DISC1: variants seen among roughly 807,000 people sequenced by gnomAD.
The protein encoded by DISC1 is disrupted in schizophrenia 1 protein.
In DISC1, 57 loss-of-function variants were observed where a neutral mutation model predicts 84.5. The ratio of observed to expected loss-of-function variants is 0.67; its 90% CI spans 0.55 to 0.84. DISC1 has a LOEUF of 0.84. Ranked by LOEUF, DISC1 falls within the 40% of genes least tolerant of loss-of-function variation. DISC1 has a pLI of 0.00. For missense variants in DISC1, 1,000 were observed against 1,057.8 expected, an observed-to-expected ratio of 0.95 and a Z score of 0.76; for synonymous variants, 411 against 415.2, an observed-to-expected ratio of 0.99 and a Z score of 0.12.
At chr1:231,628,056 C>T (rs1290507138) in intron 1 of DISC1, among the ~76,000 whole-genome samples, 2 of 152,172 alleles carry the variant, frequency 1.3e-5, no homozygotes, top group African/African-American at 4.8e-5. Flanking sequence ...CTCAAAAAAC[C>T]TTAGTTGCTA....
intron 12 of DISC1, among the ~76,000 whole-genome samples, chr1:232,027,237 A>G (rs1476111702): frequency 2.6e-5 from 4 of 152,062 alleles, no homozygotes; most frequent in Non-Finnish European, 4.4e-5. Flanking sequence ...TCCTAAATCC[A>G]CCTCTGAATT....
rs141875687 is a variant in DISC1, at chr1:231,743,767, C to T, written c.1118-6159C>T. ...TAATTACTTGGGACTTGATCTTGGA[C>T]AGATGACCTTTTCTAGTATCCTTAG... On this transcript the variant is annotated intron_variant, in intron 3 of 12. Transcript: ENST00000439617. Among the ~76,000 whole-genome samples, 133 of 152,306 alleles carry T rather than the reference C, an allele frequency of 8.7e-4. 1 individual carries two copies. The highest frequency in any genetic ancestry group is 3.1e-3 in the African/African-American group (130 of 41,562).
At chr1:231,808,925 G>A (rs1315756419) in intron 8 of DISC1, among the ~76,000 whole-genome samples, 1 of 152,178 alleles carries the variant, frequency 6.6e-6, no homozygotes, top group East Asian at 1.9e-4. Flanking sequence ...GGGCAGGGAG[G>A]GCACAGAGAG....
chr1:231,672,280 T>G (rs993651594), intron 1 of DISC1, among the ~76,000 whole-genome samples: 1 of 152,232 alleles, frequency 6.6e-6, no homozygotes, highest in South Asian at 2.1e-4. Flanking sequence ...CCTGACTGAT[T>G]TGACCTCAGT....
chr1:231,646,799 T>G (rs1201885544), intron 1 of DISC1, among the ~76,000 whole-genome samples: 1 of 152,278 alleles, frequency 6.6e-6, no homozygotes, highest in Non-Finnish European at 1.5e-5. Flanking sequence ...TTTGCATTTC[T>G]CTGATGACCA....
chr1:231,733,250 G>T (rs2071846820), intron 3 of DISC1, among the ~76,000 whole-genome samples: 1 of 151,554 alleles, frequency 6.6e-6, no homozygotes, highest in African/African-American at 2.4e-5. Flanking sequence ...GAGTGGTGGT[G>T]ATGGTAGAGG....
At chr1:232,021,885 C>T (rs1266110686) in intron 11 of DISC1, among the ~76,000 whole-genome samples, 1 of 152,174 alleles carries the variant, frequency 6.6e-6, no homozygotes, top group Non-Finnish European at 1.5e-5. Context: ...TCTGAAGGTT[C>T]AGTCCTTCCC....
At position 232,038,698 on chromosome 1, in the gene DISC1, T is replaced by G. The variant is rs1052316871; in HGVS notation, c.*1867T>G. 6.6e-6 allele frequency: 1 copy of G among 152,202 alleles called. No individual in the cohort carries two copies. Among genetic ancestry groups the G allele is most frequent in the African/African-American group, 2.4e-5 (1 of 41,436 alleles). 9.4% of individuals were successfully genotyped at this position (152,202 alleles called of 1,614,324 possible). A position where few individuals can be genotyped will look rare whatever the true frequency, so the allele number is the denominator to read the frequency against. ...ATCACTTTAGAAACCACACTCACAC[T>G]TTTGCAGAGTGTTGAGCTTAATAAC... On this transcript the variant is annotated 3_prime_UTR_variant, in exon 13 of 13. Coordinates refer to ENST00000439617, the MANE Select transcript of DISC1 (RefSeq NM_018662.3).
intron 3 of DISC1, among the ~76,000 whole-genome samples, chr1:231,721,895 T>G (rs2069776468): frequency 6.6e-6 from 1 of 152,130 alleles, no homozygotes; most frequent in Non-Finnish European, 1.5e-5. Flanking sequence ...GGCTCACGCC[T>G]GGAATCCCAG....
chr1:231,795,372 T>C, intron 7 of DISC1, 76 bp downstream of exon 7: 4 of 1,325,056 alleles, frequency 3.0e-6, no homozygotes, highest in Non-Finnish European at 4.3e-6. Context: ...ATCTAGATCT[T>C]AGGATACCTG....
chr1:231,856,474 C>T (rs1382503604), intron 9 of DISC1, among the ~76,000 whole-genome samples: 1 of 152,238 alleles, frequency 6.6e-6, no homozygotes, highest in African/African-American at 2.4e-5. Flanking sequence ...GATGAGCTTA[C>T]TTCCAGGTGC....
chr1:231,757,290 C>T (rs2075239513), intron 4 of DISC1, among the ~76,000 whole-genome samples: 1 of 152,164 alleles, frequency 6.6e-6, no homozygotes, highest in Non-Finnish European at 1.5e-5. Context: ...TCAGGAGACT[C>T]ACAGATCTCC....
intron 9 of DISC1, among the ~76,000 whole-genome samples, chr1:231,881,076 T>C (rs1407493903): frequency 1.3e-5 from 2 of 152,082 alleles, no homozygotes; most frequent in African/African-American, 4.8e-5. Context: ...CTCCCCTCTC[T>C]TTCTTCCCTG....
intron 9 of DISC1, among the ~76,000 whole-genome samples, chr1:231,877,224 A>G (rs7519741): frequency 0.91 from 137,945 of 152,316 alleles, 62,574 homozygotes; most frequent in East Asian, 1. Context: ...TACTGCAGAG[A>G]CCAACCTTGT....
intron 11 of DISC1, among the ~76,000 whole-genome samples, chr1:232,011,481 T>A (rs1452791272): frequency 1.3e-5 from 2 of 152,228 alleles, no homozygotes; most frequent in Non-Finnish European, 2.9e-5. Context: ...CTGGATTTAT[T>A]TTCACAGAGA....
chr1:231,671,856 G>A (rs1174356165), intron 1 of DISC1, among the ~76,000 whole-genome samples: 1 of 152,232 alleles, frequency 6.6e-6, no homozygotes, highest in African/African-American at 2.4e-5. Context: ...GCACTGCTAT[G>A]AGATGAAATG....
intron 3 of DISC1, chr1:231,745,596 T>C (rs2073892043): frequency 1.3e-5 from 2 of 158,936 alleles, no homozygotes; most frequent in Non-Finnish European, 2.8e-5. Flanking sequence ...AATATACTAT[T>C]GTGAACTATA....
chr1:231,838,884 A>G (rs1209409568), intron 9 of DISC1, among the ~76,000 whole-genome samples: 1 of 152,226 alleles, frequency 6.6e-6, no homozygotes, highest in East Asian at 1.9e-4. Context: ...AGCGCCTCTC[A>G]GGTGCCAGCT....
At chr1:231,847,630 C>A (rs531299077) in intron 9 of DISC1, among the ~76,000 whole-genome samples, 2 of 152,278 alleles carry the variant, frequency 1.3e-5, no homozygotes, top group South Asian at 2.1e-4. Context: ...TGTCTAGATG[C>A]ACCGAGCTTG....
Sources: allele counts gnomAD v4.1 joint callset (sites outside exome capture counted in the v4.1 genomes callset), GRCh38; gene constraint gnomAD v4.1.1; transcripts MANE v1.5; gene names NCBI Gene and HGNC (gene_info 2026-07-23, HGNC 2026-07-21).